CDH13: variants seen among roughly 807,000 people sequenced by gnomAD.
CDH13 encodes cadherin 13, also known as cadherin-13.
Under a neutral mutation model 63.8 loss-of-function variants are expected in CDH13, and 24 were observed. The observed-to-expected ratio is 0.38, with a 90% confidence interval of 0.27 to 0.53. CDH13 has a LOEUF of 0.53. Ranked by LOEUF, CDH13 falls within the 20% of genes least tolerant of loss-of-function variation. The pLI, the probability that CDH13 is intolerant of heterozygous loss-of-function variation, is 0.85. For missense variants in CDH13, 1,049 were observed against 903.1 expected, an observed-to-expected ratio of 1.16 and a Z score of -2.07; for synonymous variants, 503 against 355.3, an observed-to-expected ratio of 1.42 and a Z score of -4.67.
At chr16:83,644,860 G>A (rs1027520651) in intron 8 of CDH13, among the ~76,000 whole-genome samples, 6 of 152,216 alleles carry the variant, frequency 3.9e-5, no homozygotes, top group Admixed American at 3.9e-4. Flanking sequence ...AGCCTCTAAG[G>A]CACAGCAAGG....
intron 7 of CDH13, among the ~76,000 whole-genome samples, chr16:83,543,753 G>A (rs1395742245): frequency 6.6e-6 from 1 of 152,206 alleles, no homozygotes; most frequent in Non-Finnish European, 1.5e-5. Context: ...CTAATGGACA[G>A]TGGCCAGGGG....
chr16:83,108,160 C>T (rs748175591), intron 3 of CDH13, among the ~76,000 whole-genome samples: 11 of 152,082 alleles, frequency 7.2e-5, no homozygotes, highest in Non-Finnish European at 1.5e-4. Flanking sequence ...CTTCATTCCC[C>T]GGGTATGTAG....
chr16:83,408,769 T>C (rs2092084772), intron 6 of CDH13, among the ~76,000 whole-genome samples: 1 of 152,122 alleles, frequency 6.6e-6, no homozygotes, highest in South Asian at 2.1e-4. Context: ...GTCAGCCTAG[T>C]GGAGGATGGT....
At chr16:83,626,684 G>C (rs2150786299) in intron 8 of CDH13, among the ~76,000 whole-genome samples, 2 of 152,180 alleles carry the variant, frequency 1.3e-5, no homozygotes, top group South Asian at 4.2e-4. Flanking sequence ...CTCTTTCTCG[G>C]AGGATGACTT....
At chr16:83,663,617 G>T (rs10781972) in intron 8 of CDH13, among the ~76,000 whole-genome samples, 151,964 of 152,276 alleles carry the variant, frequency 1, 75,826 homozygotes, top group Middle Eastern at 1. Flanking sequence ...TTTTGGGGAA[G>T]CAGAGACATG....
chr16:83,592,615 G>T (rs7186194), intron 7 of CDH13, among the ~76,000 whole-genome samples: 53,579 of 151,846 alleles, frequency 0.35, 9,689 homozygotes, highest in African/African-American at 0.41. Context: ...TCCCTCAACC[G>T]CAAATCTATC....
At chr16:83,779,662 A>C (rs1034366741) in intron 11 of CDH13, among the ~76,000 whole-genome samples, 3 of 151,950 alleles carry the variant, frequency 2.0e-5, no homozygotes, top group Admixed American at 2.0e-4. Context: ...GTCTCTACAA[A>C]AAATACAAAA....
intron 6 of CDH13, among the ~76,000 whole-genome samples, chr16:83,417,585 G>C (rs1188764848): frequency 6.6e-6 from 1 of 152,118 alleles, no homozygotes; most frequent in South Asian, 2.1e-4. Flanking sequence ...TAACATTAAG[G>C]CAGAGATGTT....
intron 3 of CDH13, among the ~76,000 whole-genome samples, chr16:83,036,758 G>T (rs568436965): frequency 2.0e-4 from 31 of 152,134 alleles, no homozygotes; most frequent in Non-Finnish European, 4.0e-4. Context: ...ATCTTGTCGT[G>T]CAGCCTAGAT....
At chr16:82,723,228 G>C (rs549605865) in intron 1 of CDH13, 1 of 152,354 alleles carries the variant, frequency 6.6e-6, no homozygotes, top group African/African-American at 2.4e-5. Flanking sequence ...CCTTAAATCC[G>C]TGTATGTAGG....
At chr16:83,330,001 T>C (rs1211910704) in intron 5 of CDH13, among the ~76,000 whole-genome samples, 4 of 152,238 alleles carry the variant, frequency 2.6e-5, no homozygotes, top group Admixed American at 2.0e-4. Flanking sequence ...TACGCAAATA[T>C]ATCTTTTAAG....
chr16:83,426,300 T>C (rs998279591), intron 6 of CDH13, among the ~76,000 whole-genome samples: 1 of 152,180 alleles, frequency 6.6e-6, no homozygotes, highest in African/African-American at 2.4e-5. Context: ...CTGCATCCGA[T>C]TTGAAGGGTC....
intron 2 of CDH13, among the ~76,000 whole-genome samples, chr16:83,020,813 T>A (rs1915276880): frequency 6.6e-6 from 1 of 152,138 alleles, no homozygotes; most frequent in South Asian, 2.1e-4. Flanking sequence ...AACTGGGAAA[T>A]CACGAGACTG....
chr16:83,058,264 G>T (rs7500599), intron 3 of CDH13, among the ~76,000 whole-genome samples: 77,837 of 151,812 alleles, frequency 0.51, 20,309 homozygotes, highest in African/African-American at 0.62. Flanking sequence ...TTGGTTACTG[G>T]GGAAAAACTG....
intron 2 of CDH13, among the ~76,000 whole-genome samples, chr16:83,009,577 C>T (rs919570422): frequency 1.3e-5 from 2 of 152,124 alleles, no homozygotes; most frequent in African/African-American, 2.4e-5. Context: ...AGTAGCAGTA[C>T]TCTTTACATC....
intron 2 of CDH13, among the ~76,000 whole-genome samples, chr16:83,026,735 C>T (rs1225035806): frequency 6.6e-6 from 1 of 152,108 alleles, no homozygotes; most frequent in African/African-American, 2.4e-5. Context: ...TAGAGCGTAG[C>T]ACTCAGGGAC....
intron 1 of CDH13, among the ~76,000 whole-genome samples, chr16:82,740,432 T>TA (rs900478098): frequency 3.3e-5 from 5 of 152,344 alleles, no homozygotes; most frequent in African/African-American, 1.2e-4. Context: ...GAAGTGTCTT[T>TA]AAACAGAGAT....
chr16:83,608,862 C>T (rs1488074781), intron 8 of CDH13, among the ~76,000 whole-genome samples: 3 of 151,998 alleles, frequency 2.0e-5, no homozygotes, highest in Non-Finnish European at 4.4e-5. Context: ...AATACAACCT[C>T]TAATAGTTTT....
intron 7 of CDH13, among the ~76,000 whole-genome samples, chr16:83,516,098 T>C (rs1244501667): frequency 6.6e-6 from 1 of 152,222 alleles, no homozygotes. Context: ...TGGTGGGTTC[T>C]TATCTTCATC....
Sources: gnomAD v4.1 joint callset for allele counts (sites outside exome capture counted in the v4.1 genomes callset) on GRCh38, gnomAD v4.1.1 for gene constraint, MANE v1.5 for transcripts, NCBI Gene and HGNC (gene_info 2026-07-23, HGNC 2026-07-21) for gene names.